ADAMTS17: variants seen among roughly 807,000 people sequenced by gnomAD.
The protein encoded by ADAMTS17 is A disintegrin and metalloproteinase with thrombospondin motifs 17.
Under a neutral mutation model 141.5 loss-of-function variants are expected in ADAMTS17, and 113 were observed. That is an observed-to-expected ratio of 0.80 (90% CI 0.69 to 0.93). The LOEUF is 0.93. Ranked by LOEUF, ADAMTS17 falls within the 40% of genes least tolerant of loss-of-function variation. The pLI is 0.00. For missense variants in ADAMTS17, 1,659 were observed against 1,517.9 expected (o/e 1.09, Z -1.54); for synonymous variants, 768 against 630.6 (o/e 1.22, Z -3.27).
rs995075283 is a variant in ADAMTS17, at chr15:100,255,177, C to T, written c.1032-998G>A. Among the ~76,000 whole-genome samples, 3 of 152,122 alleles carry T rather than the reference C, an allele frequency of 2.0e-5. No homozygotes were observed. In the East Asian group the frequency reaches 5.8e-4, roughly 29 times the overall value. ...TGTGGGGAAACCAGGGGTCTAGGCT[C>T]TTCTTTTCTAATACTGGATCATTCC... On this transcript the variant is annotated intron_variant, in intron 6 of 21. Transcript: ENST00000268070.
chr15:100,263,916 C>T (rs961352012), intron 4 of ADAMTS17, among the ~76,000 whole-genome samples: 1 of 152,210 alleles, frequency 6.6e-6, no homozygotes, highest in African/African-American at 2.4e-5. Flanking sequence ...TCAACTCAGG[C>T]CGAGTGGAGC....
At chr15:100,147,636 A>G (rs1028166786) in intron 10 of ADAMTS17, among the ~76,000 whole-genome samples, 3 of 152,240 alleles carry the variant, frequency 2.0e-5, no homozygotes, top group Admixed American at 2.0e-4. Context: ...CAGGACCACC[A>G]GCACATATGC....
chr15:100,070,843 A>G (rs2033917896), intron 15 of ADAMTS17, among the ~76,000 whole-genome samples: 1 of 149,834 alleles, frequency 6.7e-6, no homozygotes, highest in Admixed American at 6.7e-5. Context: ...CTAGAGAAGC[A>G]AGAGCAAACA....
At chr15:100,176,971 T>C (rs1308990109) in intron 8 of ADAMTS17, among the ~76,000 whole-genome samples, 1 of 152,246 alleles carries the variant, frequency 6.6e-6, no homozygotes, top group East Asian at 1.9e-4. Flanking sequence ...TGCTAGGTGG[T>C]ATTGCATGAT....
At chr15:100,255,605 C>T (rs1426624552) in intron 6 of ADAMTS17, among the ~76,000 whole-genome samples, 3 of 147,364 alleles carry the variant, frequency 2.0e-5, no homozygotes, top group South Asian at 2.2e-4. Context: ...TCCCAATTCT[C>T]GTGTTTTGAG....
intron 7 of ADAMTS17, among the ~76,000 whole-genome samples, chr15:100,202,137 G>A (rs916201409): frequency 2.2e-4 from 33 of 152,276 alleles, no homozygotes; most frequent in African/African-American, 7.7e-4. Flanking sequence ...TGCAGAACCG[G>A]CAGACCTCAA....
At position 100,071,230 on chromosome 15, in the gene ADAMTS17, A is replaced by T. The variant is rs867462878; in HGVS notation, c.2138-17176T>A. Reference sequence around the variant, plus strand: ...CTCTGAATAGACCAATAACAGGCTCAGAAATTGAGGCAATAATTAATAGCT... The same window carrying T: ...CTCTGAATAGACCAATAACAGGCTCTGAAATTGAGGCAATAATTAATAGCT... On this transcript the variant is annotated intron_variant, in intron 15 of 21. Transcript: ENST00000268070. 8.0e-5 allele frequency among the ~76,000 whole-genome samples: 12 copies of T among 150,242 alleles called. 2 individuals are homozygous for T. The highest frequency in any genetic ancestry group is 3.9e-4 in the East Asian group (2 of 5,160).
At chr15:100,133,899 C>T (rs1393425364) in intron 10 of ADAMTS17, among the ~76,000 whole-genome samples, 3 of 29,716 alleles carry the variant, frequency 1.0e-4, no homozygotes, top group Non-Finnish European at 4.5e-4. Flanking sequence ...GAGCTGTGCA[C>T]AATTTTTTAT....
chr15:100,099,163 T>C (rs548791894), intron 14 of ADAMTS17, among the ~76,000 whole-genome samples: 1 of 152,288 alleles, frequency 6.6e-6, no homozygotes, highest in East Asian at 1.9e-4. Context: ...TTCAGTTAAT[T>C]CTGGAGACCA....
intron 7 of ADAMTS17, among the ~76,000 whole-genome samples, chr15:100,211,121 A>AAT (rs2041790879): frequency 6.7e-6 from 1 of 148,436 alleles, no homozygotes; most frequent in Non-Finnish European, 1.5e-5. Context: ...TAAATAAATA[A>AAT]ATAAATAAAT....
At chr15:100,267,387 C>T (rs1297217371) in intron 4 of ADAMTS17, among the ~76,000 whole-genome samples, 1 of 152,170 alleles carries the variant, frequency 6.6e-6, no homozygotes, top group African/African-American at 2.4e-5. Context: ...CCAATGGACA[C>T]CTTGGCTGTT....
chr15:100,068,267 G>C (rs1201841652), intron 15 of ADAMTS17, among the ~76,000 whole-genome samples: 1 of 152,074 alleles, frequency 6.6e-6, no homozygotes, highest in East Asian at 1.9e-4. Flanking sequence ...GCTCGAACTG[G>C]GTGGAGCCCA....
chr15:99,981,095 CA>C (rs953771202), intron 20 of ADAMTS17, among the ~76,000 whole-genome samples: 2 of 152,192 alleles, frequency 1.3e-5, no homozygotes, highest in Non-Finnish European at 2.9e-5. Context: ...CCAGGGACCC[CA>C]TCTCATGGAA....
At chr15:100,249,243 C>A (rs557872112) in intron 7 of ADAMTS17, among the ~76,000 whole-genome samples, 3 of 152,204 alleles carry the variant, frequency 2.0e-5, no homozygotes, top group Admixed American at 6.5e-5. Flanking sequence ...CACTAGCACC[C>A]CTGTGAAGCC....
intron 10 of ADAMTS17, among the ~76,000 whole-genome samples, chr15:100,134,700 G>A (rs1032536621): frequency 2.0e-5 from 3 of 152,182 alleles, no homozygotes; most frequent in Admixed American, 6.5e-5. Flanking sequence ...ATAAGAGAAA[G>A]GGAAGGAAGG....
chr15:100,132,551 T>C (rs897934898), intron 11 of ADAMTS17, among the ~76,000 whole-genome samples: 3 of 152,240 alleles, frequency 2.0e-5, no homozygotes, highest in African/African-American at 7.2e-5. Flanking sequence ...TGCTTGGCGA[T>C]GGCACAGCCA....
Position 100,226,629 on chromosome 15 carries a change from C to T in ADAMTS17, c.1076-27206G>A, listed in dbSNP as rs188518126. ...CATTTGCAGATCTGGGCTTGATATGCCTGGAAAGGAGAGTGCAGGGGCTTT... is the reference window on the plus strand; with the variant it reads ...CATTTGCAGATCTGGGCTTGATATGTCTGGAAAGGAGAGTGCAGGGGCTTT... On this transcript the variant is annotated intron_variant, in intron 7 of 21. Transcript: ENST00000268070. Among the ~76,000 whole-genome samples the T allele has an allele frequency of 5.2e-3, 792 of 152,244 alleles. 5 individuals carry two copies. The highest frequency in any genetic ancestry group is 0.011 in the South Asian group (52 of 4,820).
chr15:100,011,304 AGG>A (rs2061167001), intron 18 of ADAMTS17, among the ~76,000 whole-genome samples: 1 of 71,306 alleles, frequency 1.4e-5, no homozygotes, highest in Non-Finnish European at 2.9e-5. Context: ...GAGGGAGGGG[AGG>A]GAAGGAAAGG....
At chr15:100,306,502 C>T in intron 3 of ADAMTS17, 1 of 456,044 alleles carries the variant, frequency 2.2e-6, no homozygotes, top group South Asian at 1.5e-5. Context: ...AGGCCAGACA[C>T]ATGAATGAGG....
Sources: allele counts gnomAD v4.1 joint callset (sites outside exome capture counted in the v4.1 genomes callset), GRCh38; gene constraint gnomAD v4.1.1; transcripts MANE v1.5; gene names NCBI Gene and HGNC (gene_info 2026-07-23, HGNC 2026-07-21).